The following MTAP variants were observed in gnomAD, a reference collection of about 807,000 sequenced individuals.
MTAP encodes the protein methylthioadenosine phosphorylase, also known as S-methyl-5'-thioadenosine phosphorylase.
Under a neutral mutation model 33.6 loss-of-function variants are expected in MTAP, and 33 were observed. The observed-to-expected ratio is 0.98, with a 90% CI of 0.74 to 1.31. MTAP has a LOEUF of 1.31. Among genes scored for constraint, MTAP ranks in the 40% most tolerant of loss-of-function variants. MTAP has a pLI of 0.00. For missense variants in MTAP, 367 were observed against 360.0 expected (o/e 1.02, Z -0.16); for synonymous variants, 148 against 125.7 (o/e 1.18, Z -1.19).
intron 4 of MTAP, among the ~76,000 whole-genome samples, chr9:21,825,727 G>A (rs563129684): frequency 6.6e-6 from 1 of 152,186 alleles, no homozygotes; most frequent in African/African-American, 2.4e-5. Context: ...CATTGTCCCA[G>A]ATACTTAAGA....
exon 8 of MTAP, chr9:21,936,943 A>G (rs1294308148): frequency 1.3e-5 from 2 of 152,208 alleles, no homozygotes; most frequent in East Asian, 1.9e-4. Context: ...TTGTTTCAGA[A>G]TGAATGAAAG....
rs1040343065 is a variant in MTAP, at chr9:21,862,264, A to G, written c.*250A>G. 10 of 880,154 alleles carry G rather than the reference A, an allele frequency of 1.1e-5. No individual in the cohort carries two copies. The highest frequency in any genetic ancestry group is 7.0e-5 in the South Asian group (2 of 28,722). The allele number at this position is 880,154 out of a possible 1,614,324, so 54.5% of individuals were successfully genotyped here. A position where few individuals can be genotyped will look rare whatever the true frequency, so the allele number is the denominator to read the frequency against. ...GAAAAAATATTACATTTTAAGGGGGAAAAAAAAACCCACCATTCTCTTCTC... is the reference window on the plus strand; with the variant it reads ...GAAAAAATATTACATTTTAAGGGGGGAAAAAAAACCCACCATTCTCTTCTC... On this transcript the variant is annotated 3_prime_UTR_variant, in exon 8 of 8. Coordinates refer to ENST00000644715, the MANE Select transcript of MTAP (RefSeq NM_002451.4).
At chr9:21,940,252 A>T (rs1393964930), downstream of MTAP, among the ~76,000 whole-genome samples, 3 of 152,222 alleles carry the variant, frequency 2.0e-5, no homozygotes, top group Non-Finnish European at 4.4e-5. Context: ...GAGACTCCTT[A>T]TTAAAAGTCC....
chr9:21,891,726 C>T (rs1330096354), intron 1 of MTAP, among the ~76,000 whole-genome samples: 1 of 152,128 alleles, frequency 6.6e-6, no homozygotes, highest in East Asian at 1.9e-4. Context: ...ACAAAAGTTT[C>T]CCCAGCCTTG....
intron 1 of MTAP, chr9:21,812,299 G>T: frequency 4.7e-6 from 1 of 214,564 alleles, no homozygotes; most frequent in Non-Finnish European, 9.7e-6. Context: ...GTAGGTGTGG[G>T]CAGCTTTAGG....
intron 6 of MTAP, 25 bp downstream of exon 6, chr9:21,854,895 C>T (rs2118514624): frequency 6.2e-7 from 1 of 1,612,206 alleles, no homozygotes; most frequent in Non-Finnish European, 8.5e-7. Flanking sequence ...TTTCTAAGCA[C>T]ATATAGCATG....
chr9:21,804,702 C>G lies in MTAP; in HGVS notation c.33+1921C>G, dbSNP rs533764637. 1.2e-4 allele frequency among the ~76,000 whole-genome samples: 18 copies of G among 148,010 alleles called. No individual in the cohort carries two copies. The South Asian group carries it at 3.4e-3, about 28-fold the overall frequency. On this transcript the variant is annotated intron_variant, in intron 1 of 7. Coordinates refer to ENST00000644715, the MANE Select transcript of MTAP (RefSeq NM_002451.4). ...AGGTTAATAAAAACCACATCCTATT[C>G]CCAAATTATAGAATGATGGGGCTGG...
intron 1 of MTAP, among the ~76,000 whole-genome samples, chr9:21,894,145 A>G (rs1818247684): frequency 6.6e-6 from 1 of 152,102 alleles, no homozygotes; most frequent in African/African-American, 2.4e-5. Context: ...GCAAAAAACA[A>G]ATACCACATT....
intron 4 of MTAP, among the ~76,000 whole-genome samples, chr9:21,820,213 T>A (rs991046215): frequency 1.3e-5 from 2 of 152,234 alleles, no homozygotes; most frequent in African/African-American, 4.8e-5. Context: ...ATGAAGTCCT[T>A]CCCCATGCCT....
downstream of MTAP, among the ~76,000 whole-genome samples, chr9:21,938,363 A>G (rs764719231): frequency 1.1e-4 from 16 of 151,804 alleles, no homozygotes; most frequent in South Asian, 1.9e-3. Context: ...ACCTGAACCT[A>G]AGGAGGTTCA....
At chr9:21,856,001 C>A in intron 6 of MTAP, 1 of 194,316 alleles carries the variant, frequency 5.1e-6, no homozygotes, top group Non-Finnish European at 9.4e-6. Context: ...ACAATTTGAT[C>A]AAATCAGAAT....
chr9:21,864,543 A>G lies in MTAP; in HGVS notation c.*2529A>G, dbSNP rs1825818190. On this transcript the variant is annotated 3_prime_UTR_variant, in exon 8 of 8. Coordinates refer to ENST00000644715, the MANE Select transcript of MTAP (RefSeq NM_002451.4). ...CTTATAATCTGCTGTTATATTTGGC[A>G]TGGATTTTCATGGTTTTGAGAATGA... 2.0e-6 allele frequency: 2 copies of G among 985,420 alleles called. No individual in the cohort carries two copies. The highest frequency in any genetic ancestry group is 9.4e-5 in the South Asian group (2 of 21,286). The allele number at this position is 985,420 out of a possible 1,614,324, so 61.0% of individuals were successfully genotyped here.
chr9:21,885,850 G>A (rs894989976), intron 1 of MTAP, among the ~76,000 whole-genome samples: 3 of 148,000 alleles, frequency 2.0e-5, no homozygotes, highest in Non-Finnish European at 3.0e-5. Context: ...TCATCCACTC[G>A]TTGAATGATG....
intron 1 of MTAP, among the ~76,000 whole-genome samples, chr9:21,884,549 T>C (rs572583712): frequency 1.3e-5 from 2 of 152,312 alleles, no homozygotes; most frequent in East Asian, 3.9e-4. Flanking sequence ...TTTCTCACAG[T>C]TCTAAAGGCT....
At chr9:21,889,177 A>T (rs889900524) in intron 1 of MTAP, among the ~76,000 whole-genome samples, 7 of 151,252 alleles carry the variant, frequency 4.6e-5, no homozygotes, top group Admixed American at 1.3e-4. Context: ...ATTTTTAAAA[A>T]TTTTTTTTTC....
In MTAP at chr9:21,816,364, T is replaced by G. The variant is rs151208326; in HGVS notation, c.121-350T>G. ...TGTCATGATGGTGGCTTGTTATCCT[T>G]TCTGCCTTTCACCTTCACACCTGTT... On this transcript the variant is annotated intron_variant, in intron 2 of 7. Transcript: ENST00000644715. Among the ~76,000 whole-genome samples the G allele has an allele frequency of 1.1e-4, 16 of 152,282 alleles. No homozygotes were observed. In the East Asian group the frequency reaches 3.1e-3, roughly 29 times the overall value.
At chr9:21,924,225 T>G (rs958236165) in intron 1 of MTAP, among the ~76,000 whole-genome samples, 1 of 152,192 alleles carries the variant, frequency 6.6e-6, no homozygotes, top group Non-Finnish European at 1.5e-5. Flanking sequence ...AGGAGATACC[T>G]TCTTTTTCCT....
chr9:21,821,967 G>T (rs916977136), intron 4 of MTAP, among the ~76,000 whole-genome samples: 1 of 152,122 alleles, frequency 6.6e-6, no homozygotes, highest in South Asian at 2.1e-4. Context: ...TGTGGGATCG[G>T]TGGTGATATC....
At chr9:21,819,295 C>T (rs1824569047) in intron 4 of MTAP, among the ~76,000 whole-genome samples, 1 of 152,162 alleles carries the variant, frequency 6.6e-6, no homozygotes, top group Admixed American at 6.5e-5. Flanking sequence ...CCCCACTCCC[C>T]CAACCCCACA....
Sources: gnomAD v4.1 joint callset for allele counts (sites outside exome capture counted in the v4.1 genomes callset) on GRCh38, gnomAD v4.1.1 for gene constraint, MANE v1.5 for transcripts, NCBI Gene and HGNC (gene_info 2026-07-23, HGNC 2026-07-21) for gene names.